The following ALK variants were observed in gnomAD, a reference collection of about 807,000 sequenced individuals.
ALK encodes ALK tyrosine kinase receptor.
In ALK, 74 loss-of-function variants were observed where a neutral mutation model predicts 163.1. That is an observed-to-expected ratio of 0.45 (90% confidence interval 0.38 to 0.55). ALK has a LOEUF of 0.55. Ranked by LOEUF, ALK falls within the 20% of genes least tolerant of loss-of-function variation. The pLI, the probability that ALK is intolerant of heterozygous loss-of-function variation, is 0.00. For missense variants in ALK, 2,063 were observed against 2,105.3 expected (o/e 0.98, Z 0.39); for synonymous variants, 960 against 843.2 (o/e 1.14, Z -2.40).
chr2:29,509,104 T>C (rs1672437042), intron 4 of ALK, among the ~76,000 whole-genome samples: 1 of 152,136 alleles, frequency 6.6e-6, no homozygotes, highest in Non-Finnish European at 1.5e-5. Context: ...CATGGTCATG[T>C]GTGGAGGCTT....
At chr2:29,433,133 T>A (rs188047595) in intron 4 of ALK, among the ~76,000 whole-genome samples, 47 of 152,310 alleles carry the variant, frequency 3.1e-4, no homozygotes, top group Non-Finnish European at 2.2e-4. Context: ...GTTATGACAC[T>A]ATTGAACCCA....
chr2:29,847,764 A>C (rs921968582), intron 1 of ALK, among the ~76,000 whole-genome samples: 2 of 152,108 alleles, frequency 1.3e-5, no homozygotes, highest in African/African-American at 4.8e-5. Context: ...ACTGTGCTCA[A>C]TGATGAAAAC....
chr2:29,453,407 T>A (rs78068991), intron 4 of ALK, among the ~76,000 whole-genome samples: 40 of 151,976 alleles, frequency 2.6e-4, no homozygotes, highest in Admixed American at 1.4e-3. Context: ...TTTTTTTTTT[T>A]AATTTTTTGG....
At chr2:29,715,605 T>A (rs1453747422) in intron 2 of ALK, among the ~76,000 whole-genome samples, 1 of 152,212 alleles carries the variant, frequency 6.6e-6, no homozygotes, top group Non-Finnish European at 1.5e-5. Flanking sequence ...TATGTTGCCC[T>A]CTGCAGCATG....
chr2:29,220,310 G>A (rs1669766525), intron 23 of ALK, among the ~76,000 whole-genome samples: 1 of 152,092 alleles, frequency 6.6e-6, no homozygotes. Flanking sequence ...TGTAAGACGT[G>A]CCTCCTTCCC....
At chr2:29,905,039 A>C (rs1369029279) in intron 1 of ALK, among the ~76,000 whole-genome samples, 1 of 152,256 alleles carries the variant, frequency 6.6e-6, no homozygotes, top group Non-Finnish European at 1.5e-5. Context: ...AATACTTTGC[A>C]TCTGATAAAG....
At chr2:29,699,057 T>A (rs1393336975) in intron 2 of ALK, among the ~76,000 whole-genome samples, 1 of 152,212 alleles carries the variant, frequency 6.6e-6, no homozygotes, top group East Asian at 1.9e-4. Flanking sequence ...CTAGACCTAG[T>A]GTGCTTCTTG....
At chr2:29,670,971 C>T (rs1677665686) in intron 3 of ALK, among the ~76,000 whole-genome samples, 2 of 152,014 alleles carry the variant, frequency 1.3e-5, no homozygotes, top group Non-Finnish European at 1.5e-5. Flanking sequence ...GGTCAGGGAG[C>T]TCACAAATGG....
chr2:29,328,221 T>G (rs1448346814), intron 6 of ALK, 129 bp downstream of exon 6: 1 of 1,340,942 alleles, frequency 7.5e-7, no homozygotes, highest in Non-Finnish European at 1.1e-6. Context: ...GGCTTTGCCA[T>G]GAGAGGAGTC....
intron 3 of ALK, among the ~76,000 whole-genome samples, chr2:29,609,212 C>A (rs1388750585): frequency 6.6e-6 from 1 of 152,198 alleles, no homozygotes; most frequent in African/African-American, 2.4e-5. Context: ...GTGTGAGCCA[C>A]CATGCCCAGA....
chr2:29,799,072 G>A (rs77401304), intron 1 of ALK, among the ~76,000 whole-genome samples: 8,078 of 152,200 alleles, frequency 0.053, 739 homozygotes, highest in African/African-American at 0.19. Flanking sequence ...AATGAGATGA[G>A]GGGATTTGAA....
chr2:29,778,390 A>G (rs1681237864), intron 1 of ALK, among the ~76,000 whole-genome samples: 1 of 152,242 alleles, frequency 6.6e-6, no homozygotes, highest in South Asian at 2.1e-4. Flanking sequence ...AGGAAGGGTC[A>G]TGGTCACAGA....
At chr2:29,387,320 T>C (rs1010573136) in intron 4 of ALK, among the ~76,000 whole-genome samples, 1 of 152,208 alleles carries the variant, frequency 6.6e-6, no homozygotes, top group Non-Finnish European at 1.5e-5. Flanking sequence ...AATTGTATTC[T>C]GCCTCCAACT....
intron 1 of ALK, among the ~76,000 whole-genome samples, chr2:29,764,693 G>T (rs932823627): frequency 3.3e-5 from 5 of 152,170 alleles, no homozygotes; most frequent in African/African-American, 1.2e-4. Flanking sequence ...AGTCATTTTG[G>T]TTTATGTCAT....
At chr2:29,642,348 A>G (rs1488441150) in intron 3 of ALK, among the ~76,000 whole-genome samples, 2 of 152,316 alleles carry the variant, frequency 1.3e-5, no homozygotes, top group Admixed American at 1.3e-4. Context: ...CTTTGAATGC[A>G]ATTCGGTTGT....
At chr2:29,235,856 CTTTTTTTTTTTTT>C (rs569363324) in intron 13 of ALK, among the ~76,000 whole-genome samples, 101 of 38,304 alleles carry the variant, frequency 2.6e-3, no homozygotes, top group South Asian at 8.3e-3. Context: ...CCAGGCTCGA[CTTTTTTTTTTTTT>C]TTTTTTTTTT....
intron 4 of ALK, among the ~76,000 whole-genome samples, chr2:29,492,936 T>G (rs534189836): frequency 6.6e-6 from 1 of 152,292 alleles, no homozygotes; most frequent in Admixed American, 6.5e-5. Context: ...GAAAAGCCAC[T>G]GTGGGTAAAC....
Position 29,531,962 on chromosome 2 carries a change from G to A in ALK, c.1107C>T (p.Asn369=), listed in dbSNP as rs114429299. The change falls in exon 4 of 29, where the codon AAC becomes AAT. Residue 369 remains asparagine (N), a synonymous_variant. Coordinates refer to ENST00000389048, the MANE Select transcript of ALK (RefSeq NM_004304.5). ...TCAGGAGGATCTCTCTTGCAGCCTCGTTGTGGGGCAGCAGCTGGGCAATGT... is the reference window on the plus strand; with the variant it reads ...TCAGGAGGATCTCTCTTGCAGCCTCATTGTGGGGCAGCAGCTGGGCAATGT... ...GRYIAQLLPH[N]EAAREILLMP... is the part of the protein sequence containing the mutation. The A allele has an allele frequency of 1.3e-4, 213 of 1,614,170 alleles. No homozygotes were observed. Among genetic ancestry groups the A allele is most frequent in the Non-Finnish European group, 1.7e-4 (200 of 1,180,016 alleles).
At chr2:29,895,147 T>C (rs1667237042) in intron 1 of ALK, among the ~76,000 whole-genome samples, 1 of 152,186 alleles carries the variant, frequency 6.6e-6, no homozygotes, top group Admixed American at 6.5e-5. Context: ...AGGCAGGATT[T>C]GGATTTGGCA....
Sources: gnomAD v4.1 joint callset for allele counts (sites outside exome capture counted in the v4.1 genomes callset) on GRCh38, gnomAD v4.1.1 for gene constraint, MANE v1.5 for transcripts, NCBI Gene and HGNC (gene_info 2026-07-23, HGNC 2026-07-21) for gene names.